The following CDC42EP4 variants were observed in gnomAD, a reference collection of about 807,000 sequenced individuals.
The protein encoded by CDC42EP4 is CDC42 effector protein (Rho GTPase binding) 4.
Under a neutral mutation model 5.6 loss-of-function variants are expected in CDC42EP4, and 6 were observed. That is an observed-to-expected ratio of 1.07 (90% CI 0.59 to 2.12). CDC42EP4 has a LOEUF of 2.12. Among genes scored for constraint, CDC42EP4 ranks in the 30% most tolerant of loss-of-function variants. The probability of loss-of-function intolerance (pLI) is 0.00; values close to 1 mark genes in which losing one functional copy is unlikely to be tolerated. For missense variants in CDC42EP4, 490 were observed against 508.6 expected (o/e 0.96, Z 0.35); for synonymous variants, 230 against 224.2 (o/e 1.03, Z -0.23).
intron 1 of CDC42EP4, among the ~76,000 whole-genome samples, chr17:73,298,945 A>G (rs1450666442): frequency 6.7e-6 from 1 of 150,112 alleles, no homozygotes; most frequent in Non-Finnish European, 1.5e-5. Flanking sequence ...TATTTTACTC[A>G]CTCTCACATC....
chr17:73,300,878 C>G (rs985808488), intron 1 of CDC42EP4, among the ~76,000 whole-genome samples: 1 of 151,990 alleles, frequency 6.6e-6, no homozygotes, highest in African/African-American at 2.4e-5. Context: ...GAAACCCCAT[C>G]TCTATTAAAA....
chr17:73,301,993 C>G (rs74788916), intron 1 of CDC42EP4, among the ~76,000 whole-genome samples: 5,565 of 152,064 alleles, frequency 0.037, 238 homozygotes, highest in African/African-American at 0.096. Context: ...CCCTGCCTGC[C>G]TGGCTAATTT....
At chr17:73,310,410 A>T (rs1413049110) in intron 1 of CDC42EP4, among the ~76,000 whole-genome samples, 2 of 152,004 alleles carry the variant, frequency 1.3e-5, no homozygotes, top group Non-Finnish European at 2.9e-5. Context: ...GACGAGAGAG[A>T]GATTTTCCCT....
rs929282993 is a variant in CDC42EP4 at position 73,284,638 on chromosome 17, C to G, written c.*792G>C. 6.6e-6 allele frequency: 1 copy of G among 152,196 alleles called. No individual in the cohort carries two copies. Among genetic ancestry groups the G allele is most frequent in the African/African-American group, 2.4e-5 (1 of 41,444 alleles). 9.4% of individuals were successfully genotyped at this position (152,196 alleles called of 1,614,324 possible). On this transcript the variant is annotated 3_prime_UTR_variant, in exon 2 of 2. Coordinates refer to ENST00000335793, the MANE Select transcript of CDC42EP4 (RefSeq NM_012121.5). ...AAAAGGATTGATTCTCATTCTGAGG[C>G]AGACCTATTAACACCATCCTGATAT... is the stretch of plus-strand genomic sequence containing the variant.
At chr17:73,298,432 C>G (rs376307719) in intron 1 of CDC42EP4, among the ~76,000 whole-genome samples, 1 of 152,348 alleles carries the variant, frequency 6.6e-6, no homozygotes, top group Admixed American at 6.5e-5. Context: ...TACCGGAGAT[C>G]GGCCTATTTC....
chr17:73,287,885 G>C (rs545939901), intron 1 of CDC42EP4, among the ~76,000 whole-genome samples: 3 of 152,212 alleles, frequency 2.0e-5, no homozygotes, highest in South Asian at 4.1e-4. Context: ...AGGTCTCCCT[G>C]TTGGTCTCCC....
intron 1 of CDC42EP4, among the ~76,000 whole-genome samples, chr17:73,309,089 T>C (rs2062260241): frequency 7.1e-6 from 1 of 140,134 alleles, no homozygotes; most frequent in South Asian, 2.3e-4. Context: ...CTCATACCTG[T>C]ATGCCCAGCA....
chr17:73,295,363 C>T (rs1222369597), intron 1 of CDC42EP4, among the ~76,000 whole-genome samples: 7 of 152,158 alleles, frequency 4.6e-5, no homozygotes, highest in African/African-American at 1.4e-4. Context: ...CCTCAATGGG[C>T]TCACCGCCAG....
rs1466419843 is a variant in CDC42EP4 at position 73,285,081 on chromosome 17, C to CG, written c.*348dup. 1 of 177,938 alleles carries CG rather than the reference C, an allele frequency of 5.6e-6. No individual in the cohort carries two copies. The highest frequency in any genetic ancestry group is 1.2e-5 in the Non-Finnish European group (1 of 85,020). 11.0% of individuals were successfully genotyped at this position (177,938 alleles called of 1,614,324 possible). ...CCTCTGGGCTGACCCGCTGGCTGTA[C>CG]GTGGCCAGAACTGGGGTTGGCATCT... On this transcript the variant is annotated 3_prime_UTR_variant, in exon 2 of 2. Transcript: ENST00000335793. The surrounding 1 kb of genome is among the most constrained non-coding windows in gnomAD (Gnocchi z 6.8).
chr17:73,285,413 G>A lies in CDC42EP4; in HGVS notation c.*17C>T. ...AAGATGCAGCCAAGAGCTCCCGGTGGCCACCCACTGTCCGCCTCACACACG... is the reference window on the plus strand; with the variant it reads ...AAGATGCAGCCAAGAGCTCCCGGTGACCACCCACTGTCCGCCTCACACACG... On this transcript the variant is annotated 3_prime_UTR_variant, in exon 2 of 2. Transcript: ENST00000335793. The surrounding 1 kb of genome is among the most constrained non-coding windows in gnomAD (Gnocchi z 6.8). The A allele has an allele frequency of 9.8e-6, 15 of 1,530,724 alleles. No individual in the cohort carries two copies. Among genetic ancestry groups the A allele is most frequent in the Non-Finnish European group, 1.2e-5 (14 of 1,132,096 alleles). The allele number at this position is 1,530,724 out of a possible 1,614,324, so 94.8% of individuals were successfully genotyped here. A position where few individuals can be genotyped will look rare whatever the true frequency, so the allele number is the denominator to read the frequency against.
At chr17:73,296,255 A>AT (rs1024647844) in intron 1 of CDC42EP4, among the ~76,000 whole-genome samples, 2 of 150,806 alleles carry the variant, frequency 1.3e-5, no homozygotes, top group Admixed American at 1.3e-4. Context: ...TAAAAAATAC[A>AT]TAAAAAAATA....
intron 1 of CDC42EP4, among the ~76,000 whole-genome samples, chr17:73,299,567 A>G (rs1164574620): frequency 8.5e-5 from 13 of 152,090 alleles, no homozygotes; most frequent in Non-Finnish European, 1.9e-4. Context: ...AGCCTCCCAA[A>G]GTGTGGGATT....
Position 73,286,251 on chromosome 17 carries a change from G to T in CDC42EP4, c.250C>A (p.Arg84=). ...SKRSLLSRKF[R]GSKRSQSVTR... is the part of the protein sequence containing the mutation. ...ACCGACTGTGACCGCTTGCTGCCCC[G>T]GAACTTCCTGGACAGGAGACTGCGT... The change falls in exon 2 of 2, where the codon CGG becomes AGG. Residue 84 remains arginine, a synonymous_variant. Coordinates refer to ENST00000335793, the MANE Select transcript of CDC42EP4 (RefSeq NM_012121.5). The surrounding 1 kb of genome is among the most constrained non-coding windows in gnomAD (Gnocchi z 7.7). 6.2e-7 allele frequency: 1 copy of T among 1,614,214 alleles called. No homozygotes were observed. The highest frequency in any genetic ancestry group is 1.1e-5 in the South Asian group (1 of 91,082).
At chr17:73,301,688 A>C (rs2062219882) in intron 1 of CDC42EP4, among the ~76,000 whole-genome samples, 1 of 149,316 alleles carries the variant, frequency 6.7e-6, no homozygotes, top group African/African-American at 2.5e-5. Context: ...CAGGGGCTAC[A>C]GGCACACGCC....
rs570897028 is a variant in CDC42EP4, at chr17:73,288,172, C to T, written c.-112-1560G>A. Among the ~76,000 whole-genome samples, 4 of 152,248 alleles carry T rather than the reference C, an allele frequency of 2.6e-5. No homozygotes were observed. In the East Asian group the frequency reaches 5.8e-4, roughly 22 times the overall value. Reference sequence around the variant, plus strand: ...CCCCCACGGCACTTTGGGAGATGTCCCCTCTTCCAGCAGATACTGGCTACA... The same window carrying T: ...CCCCCACGGCACTTTGGGAGATGTCTCCTCTTCCAGCAGATACTGGCTACA... On this transcript the variant is annotated intron_variant, in intron 1 of 1. Transcript: ENST00000335793.
intron 1 of CDC42EP4, chr17:73,311,122 G>C (rs1294240009): frequency 6.6e-6 from 1 of 152,212 alleles, no homozygotes. Flanking sequence ...CCGGCTCCAA[G>C]GGGGCGGGTG....
At chr17:73,306,663 AC>A in intron 1 of CDC42EP4, 1 of 152,212 alleles carries the variant, frequency 6.6e-6, no homozygotes, top group Non-Finnish European at 1.5e-5. Context: ...TCCTTGTACC[AC>A]TTGACAAAGC....
rs1599444515 is a variant in CDC42EP4 at position 73,308,130 on chromosome 17, G to C, written c.-113+3763C>G. 2.0e-5 allele frequency among the ~76,000 whole-genome samples: 3 copies of C among 152,310 alleles called. No individual in the cohort carries two copies. The Middle Eastern group carries it at 0.01, about 518-fold the overall frequency. On this transcript the variant is annotated intron_variant, in intron 1 of 1. Transcript: ENST00000335793. Reference sequence around the variant, plus strand: ...GGGCTCCTTCCAGCACTACCATCCAGTTCCCTGCCGAGAGAGGGCACGCAT... The same window carrying C: ...GGGCTCCTTCCAGCACTACCATCCACTTCCCTGCCGAGAGAGGGCACGCAT...
In CDC42EP4 at chr17:73,284,348, A is replaced by G. The variant is rs936182272; in HGVS notation, c.*1082T>C. 6.6e-6 allele frequency: 1 copy of G among 152,134 alleles called. No homozygotes were observed. Among genetic ancestry groups the G allele is most frequent in the Non-Finnish European group, 1.5e-5 (1 of 68,034 alleles). The allele number at this position is 152,134 out of a possible 1,614,324, so 9.4% of individuals were successfully genotyped here. ...AAGGCTTTCCCCCCATAGGAATGAT[A>G]TATTATTTAAAAAAAAAATCGTTCT... is the stretch of plus-strand genomic sequence containing the variant. On this transcript the variant is annotated 3_prime_UTR_variant, in exon 2 of 2. Coordinates refer to ENST00000335793, the MANE Select transcript of CDC42EP4 (RefSeq NM_012121.5).
Sources: gnomAD v4.1 joint callset for allele counts (sites outside exome capture counted in the v4.1 genomes callset) on GRCh38, gnomAD v4.1.1 for gene constraint, Gnocchi (gnomAD v3.1) non-coding constraint, MANE v1.5 for transcripts, NCBI Gene and HGNC (gene_info 2026-07-23, HGNC 2026-07-21) for gene names.